Variants in MECOM observed in about 807,000 individuals in gnomAD.
MECOM encodes MDS1 and EVI1 complex locus, also known as histone-lysine N-methyltransferase MECOM.
In MECOM, 13 loss-of-function variants were observed where a neutral mutation model predicts 116.3. The observed-to-expected ratio is 0.11, with a 90% CI of 0.07 to 0.18. The LOEUF (loss-of-function observed/expected upper bound fraction) is 0.18, where lower values mean the gene tolerates loss of function less well. Among genes scored for constraint, MECOM ranks in the 10% least tolerant of loss-of-function variants. The pLI is 1.00. For missense variants in MECOM, 1,299 were observed against 1,509.0 expected (o/e 0.86, Z 2.31); for synonymous variants, 528 against 535.2 (o/e 0.99, Z 0.19).
At chr3:169,230,412 A>G (rs893574907) in intron 2 of MECOM, among the ~76,000 whole-genome samples, 14 of 152,304 alleles carry the variant, frequency 9.2e-5, no homozygotes, top group Non-Finnish European at 1.0e-4. Flanking sequence ...ATACCAGGTT[A>G]AAAGTGGGCA....
At chr3:169,578,785 T>C (rs987963908) in intron 1 of MECOM, among the ~76,000 whole-genome samples, 2 of 152,218 alleles carry the variant, frequency 1.3e-5, no homozygotes, top group Non-Finnish European at 2.9e-5. Flanking sequence ...TACTCTTCAA[T>C]GATCTCAGCA....
At chr3:169,509,747 A>T (rs1420721002) in intron 1 of MECOM, among the ~76,000 whole-genome samples, 3 of 152,214 alleles carry the variant, frequency 2.0e-5, no homozygotes, top group African/African-American at 7.2e-5. Context: ...CACTTTGTTT[A>T]TCTGCTCATC....
At chr3:169,212,633 A>C (rs1428172959) in intron 2 of MECOM, among the ~76,000 whole-genome samples, 1 of 85,502 alleles carries the variant, frequency 1.2e-5, no homozygotes, top group African/African-American at 4.0e-5. Context: ...TCTAGTCAGC[A>C]ATGTATATAT....
chr3:169,093,652 G>T (rs1405418186), intron 13 of MECOM, among the ~76,000 whole-genome samples: 1 of 152,150 alleles, frequency 6.6e-6, no homozygotes, highest in Non-Finnish European at 1.5e-5. Flanking sequence ...GTATTAAAAG[G>T]ACAATATTAG....
At chr3:169,657,566 A>G (rs975420131) in intron 1 of MECOM, among the ~76,000 whole-genome samples, 34 of 152,228 alleles carry the variant, frequency 2.2e-4, no homozygotes. Flanking sequence ...AGAATTGGCA[A>G]GAAGCCAGAA....
intron 2 of MECOM, among the ~76,000 whole-genome samples, chr3:169,244,842 G>C (rs920496670): frequency 2.6e-5 from 4 of 152,182 alleles, no homozygotes; most frequent in African/African-American, 7.2e-5. Flanking sequence ...GTCACAGAAA[G>C]AGAAGATTGC....
Position 169,116,491 on chromosome 3 carries a change from G to A in MECOM, c.1381C>T (p.His461Tyr), listed in dbSNP as rs1443149814. The A allele has an allele frequency of 7.4e-6, 12 of 1,614,190 alleles. No homozygotes were observed. Among genetic ancestry groups the A allele is most frequent in the African/African-American group, 1.3e-5 (1 of 75,042 alleles). Reference protein sequence around the residue: ...MDKTSMVNMSHANPGLADYFG... With the variant: ...MDKTSMVNMSYANPGLADYFG... Reference sequence around the variant, plus strand: ...TAGTCAGCAAGGCCCGGGTTGGCATGACTCATATTAACCATGGACGTTTTA... The same window carrying A: ...TAGTCAGCAAGGCCCGGGTTGGCATAACTCATATTAACCATGGACGTTTTA... Residue 461 changes from histidine to tyrosine, a missense_variant, in exon 8 of 17, where the codon CAT (histidine) becomes TAT (tyrosine). By Grantham distance (83) the His-to-Tyr change is moderately conservative (BLOSUM62 2). Coordinates refer to ENST00000651503, the MANE Select transcript of MECOM (RefSeq NM_004991.4).
chr3:169,475,338 C>T (rs1022404665), intron 1 of MECOM, among the ~76,000 whole-genome samples: 4 of 152,124 alleles, frequency 2.6e-5, no homozygotes, highest in African/African-American at 9.7e-5. Context: ...TCCCCTGGCC[C>T]AACTTTATCA....
chr3:169,421,084 AC>A (rs1339924049), intron 1 of MECOM, among the ~76,000 whole-genome samples: 1 of 152,106 alleles, frequency 6.6e-6, no homozygotes, highest in Non-Finnish European at 1.5e-5. Context: ...CTCCAGTCCC[AC>A]TGGAATGAGG....
rs148203838 is a variant in MECOM, at chr3:169,530,966, G to A, written c.37+132370C>T. On this transcript the variant is annotated intron_variant, in intron 1 of 16. Coordinates refer to ENST00000651503, the MANE Select transcript of MECOM (RefSeq NM_004991.4). The stretch of plus-strand genomic sequence containing the variant: ...CTGCACGACAAAGATGTAGAATTTC[G>A]CCATGACTGAGCCTCTCCTGCAGGT... Among the ~76,000 whole-genome samples, 986 of 151,544 alleles carry A rather than the reference G, an allele frequency of 6.5e-3. 6 individuals are homozygous for A. Among genetic ancestry groups the A allele is most frequent in the African/African-American group, 0.023 (949 of 41,220 alleles).
At chr3:169,455,459 T>C (rs1275005640) in intron 1 of MECOM, among the ~76,000 whole-genome samples, 1 of 152,182 alleles carries the variant, frequency 6.6e-6, no homozygotes, top group Non-Finnish European at 1.5e-5. Context: ...GTTGAACAAG[T>C]GGTTCCTATT....
chr3:169,422,914 G>A (rs574901087), intron 1 of MECOM, among the ~76,000 whole-genome samples: 53 of 152,016 alleles, frequency 3.5e-4, no homozygotes, highest in Middle Eastern at 3.4e-3. Flanking sequence ...AAGAGACATG[G>A]TACAGCACAA....
At chr3:169,235,909 T>G (rs1179615054) in intron 2 of MECOM, among the ~76,000 whole-genome samples, 4 of 151,616 alleles carry the variant, frequency 2.6e-5, no homozygotes, top group Non-Finnish European at 5.9e-5. Context: ...TTGACTTATA[T>G]GATTCAACTT....
intron 1 of MECOM, among the ~76,000 whole-genome samples, chr3:169,492,215 T>C (rs1753186028): frequency 6.6e-6 from 1 of 152,124 alleles, no homozygotes; most frequent in African/African-American, 2.4e-5. Context: ...TTATAGCAAG[T>C]AGGAGAGAAA....
At chr3:169,141,754 T>A (rs1406120877) in intron 3 of MECOM, among the ~76,000 whole-genome samples, 1 of 152,014 alleles carries the variant, frequency 6.6e-6, no homozygotes, top group Non-Finnish European at 1.5e-5. Context: ...ATCTGACTTT[T>A]ACCTCTGACT....
At chr3:169,172,879 T>A (rs1271103098) in intron 2 of MECOM, among the ~76,000 whole-genome samples, 2 of 152,158 alleles carry the variant, frequency 1.3e-5, no homozygotes, top group Non-Finnish European at 2.9e-5. Context: ...AAGGTCCCAA[T>A]GCTTGTCTTA....
At chr3:169,641,468 T>C (rs150634283) in intron 1 of MECOM, among the ~76,000 whole-genome samples, 1 of 152,214 alleles carries the variant, frequency 6.6e-6, no homozygotes, top group Non-Finnish European at 1.5e-5. Context: ...ACGCTATTCA[T>C]TGAGGGTTTC....
chr3:169,635,886 A>G (rs2109997303), intron 1 of MECOM, among the ~76,000 whole-genome samples: 1 of 152,320 alleles, frequency 6.6e-6, no homozygotes, highest in South Asian at 2.1e-4. Context: ...CTTCACCTAA[A>G]TCTTCTGTCG....
chr3:169,227,976 G>A (rs1387279075), intron 2 of MECOM, among the ~76,000 whole-genome samples: 3 of 152,150 alleles, frequency 2.0e-5, no homozygotes, highest in East Asian at 3.9e-4. Context: ...AAGAACAATT[G>A]AGACAAATAC....
Sources: gnomAD v4.1 joint callset for allele counts (sites outside exome capture counted in the v4.1 genomes callset) on GRCh38, gnomAD v4.1.1 for gene constraint, MANE v1.5 for transcripts, NCBI Gene and HGNC (gene_info 2026-07-23, HGNC 2026-07-21) for gene names.